The following NSUN3 variants were observed in gnomAD, a reference collection of about 807,000 sequenced individuals.
NSUN3 encodes the protein tRNA (cytosine(34)-C(5))-methyltransferase, mitochondrial.
Under a neutral mutation model 36.8 loss-of-function variants are expected in NSUN3, and 24 were observed. The observed-to-expected ratio is 0.65, with a 90% CI of 0.47 to 0.92. NSUN3 has a LOEUF of 0.92. NSUN3 is among the 40% of genes least tolerant of loss of function. The pLI is 0.00. For synonymous variants in NSUN3, 146 were observed against 145.2 expected, an observed-to-expected ratio of 1.01 and a Z score of -0.04; for missense variants, 381 against 392.8, an observed-to-expected ratio of 0.97 and a Z score of 0.25.
intron 2 of NSUN3, chr3:94,077,198 T>C: frequency 2.9e-6 from 2 of 683,176 alleles, no homozygotes; most frequent in Admixed American, 4.2e-5. Flanking sequence ...GCCAGGGGAA[T>C]ACTGGAGTCG....
At chr3:94,086,206 A>C (rs1576087082) in intron 3 of NSUN3, among the ~76,000 whole-genome samples, 1 of 152,158 alleles carries the variant, frequency 6.6e-6, no homozygotes, top group African/African-American at 2.4e-5. Context: ...GGCCTCCCTA[A>C]GTGCTGTGAG....
Position 94,129,352 on chromosome 3 carries a change from A to G in NSUN3, c.*2862A>G, listed in dbSNP as rs927572325. Among the ~76,000 whole-genome samples, 2 of 152,244 alleles carry G rather than the reference A, an allele frequency of 1.3e-5. No homozygotes were observed. The highest frequency in any genetic ancestry group is 4.1e-4 in the South Asian group (2 of 4,832). ...AAAGAATGAAATAATGTCTTTTGCAACAACATGGATGCAGCTGGATGCTTT... is the reference window on the plus strand; with the variant it reads ...AAAGAATGAAATAATGTCTTTTGCAGCAACATGGATGCAGCTGGATGCTTT... On this transcript the variant is annotated 3_prime_UTR_variant, in exon 6 of 6. Transcript: ENST00000314622.
Position 94,103,150 on chromosome 3 carries a change from G to T in NSUN3, c.743+7996G>T, listed in dbSNP as rs563706324. Among the ~76,000 whole-genome samples, 22 of 152,224 alleles carry T rather than the reference G, an allele frequency of 1.4e-4. 1 individual carries two copies. The highest frequency in any genetic ancestry group is 7.9e-4 in the Admixed American group (12 of 15,278). On this transcript the variant is annotated intron_variant, in intron 5 of 5. Coordinates refer to ENST00000314622, the MANE Select transcript of NSUN3 (RefSeq NM_022072.5). ...AACCCACCTTCCTTGGCCTCCCAAA[G>T]TGCTGGGATTGCAGGCATGAGCCAC...
intron 2 of NSUN3, among the ~76,000 whole-genome samples, chr3:94,066,322 G>T (rs1019635597): frequency 6.6e-6 from 1 of 152,158 alleles, no homozygotes; most frequent in Non-Finnish European, 1.5e-5. Flanking sequence ...CAAAATAAAG[G>T]TTTCTCAGCT....
chr3:94,126,252 A>C lies in NSUN3; in HGVS notation c.785A>C (p.Tyr262Ser). The change falls in exon 6 of 6, where the codon TAC becomes TCC. Residue 262 changes from tyrosine to serine, a missense_variant. Tyr to Ser is a moderately radical substitution (Grantham distance 144). Transcript: ENST00000314622. ...KALRPGGILVYSTCTLSKAEN... is the reference protein window; with the variant it reads ...KALRPGGILVSSTCTLSKAEN... ...TTACGTCCTGGAGGGATACTTGTAT[A>C]CTCTACATGCACGCTTTCCAAGGCA... 1.9e-6 allele frequency: 3 copies of C among 1,614,034 alleles called. No homozygotes were observed. In the East Asian group the frequency reaches 6.7e-5, roughly 36 times the overall value.
chr3:94,071,470 T>C (rs1345968211), intron 2 of NSUN3, among the ~76,000 whole-genome samples: 1 of 152,224 alleles, frequency 6.6e-6, no homozygotes, highest in Non-Finnish European at 1.5e-5. Context: ...TGGATGATGA[T>C]GGGTATCAAA....
intron 5 of NSUN3, among the ~76,000 whole-genome samples, chr3:94,104,420 C>A (rs890602816): frequency 2.6e-5 from 4 of 152,160 alleles, no homozygotes; most frequent in African/African-American, 9.7e-5. Context: ...TTTATGTTAG[C>A]TCACTCCTGA....
chr3:94,102,698 G>A (rs1266055930), intron 5 of NSUN3, among the ~76,000 whole-genome samples: 3 of 151,922 alleles, frequency 2.0e-5, no homozygotes, highest in Non-Finnish European at 4.4e-5. Context: ...ACTGATCAAA[G>A]TATTACACAT....
At chr3:94,123,945 C>A (rs1418897438) in intron 5 of NSUN3, among the ~76,000 whole-genome samples, 1 of 151,696 alleles carries the variant, frequency 6.6e-6, no homozygotes, top group Non-Finnish European at 1.5e-5. Context: ...CACTAAATTG[C>A]ATACTAAATA....
At chr3:94,123,222 T>A (rs558824503) in intron 5 of NSUN3, among the ~76,000 whole-genome samples, 2 of 152,318 alleles carry the variant, frequency 1.3e-5, no homozygotes, top group Non-Finnish European at 2.9e-5. Context: ...CACGCAGCTC[T>A]CACTCTGAGG....
intron 2 of NSUN3, among the ~76,000 whole-genome samples, chr3:94,068,285 C>T (rs2077213079): frequency 6.6e-6 from 1 of 152,168 alleles, no homozygotes; most frequent in South Asian, 2.1e-4. Flanking sequence ...CTATGATTAA[C>T]CACTTCATCA....
At chr3:94,126,094 A>T in intron 5 of NSUN3, 117 bp from the exon 6 acceptor site, 1 of 777,642 alleles carries the variant, frequency 1.3e-6, no homozygotes, top group Non-Finnish European at 2.0e-6. Context: ...CATCCAAAGT[A>T]ATTGCAGTCT....
At position 94,084,174 on chromosome 3, in the gene NSUN3, G is replaced by T; in HGVS notation, c.190G>T (p.Glu64Ter). Residue 64 changes from glutamate to a stop codon, truncating the protein, a stop_gained, in exon 3 of 6, where the codon GAA (glutamate) becomes TAA (stop). Coordinates refer to ENST00000314622, the MANE Select transcript of NSUN3 (RefSeq NM_022072.5). LOFTEE classifies it high-confidence loss of function. ...VLLNRFNYPF[E>*]LEKDLHLKGY... ...GCTTAACCGATTCAATTATCCTTTT[G>T]AACTGGAAAAGGATTTACATTTGAA... The T allele has an allele frequency of 6.2e-7, 1 of 1,613,868 alleles. No individual in the cohort carries two copies. Among genetic ancestry groups the T allele is most frequent in the Non-Finnish European group, 8.5e-7 (1 of 1,179,912 alleles).
chr3:94,113,214 A>G (rs376193709), intron 5 of NSUN3, among the ~76,000 whole-genome samples: 3 of 152,170 alleles, frequency 2.0e-5, no homozygotes, highest in Admixed American at 6.5e-5. Context: ...AGATTTTACA[A>G]TAATCAAGAA....
At position 94,126,637 on chromosome 3, in the gene NSUN3, C is replaced by A; in HGVS notation, c.*147C>A. 1.5e-6 allele frequency: 1 copy of A among 688,360 alleles called. No homozygotes were observed. The highest frequency in any genetic ancestry group is 2.4e-6 in the Non-Finnish European group (1 of 424,018). The allele number at this position is 688,360 out of a possible 1,614,324, so 42.6% of individuals were successfully genotyped here. On this transcript the variant is annotated 3_prime_UTR_variant, in exon 6 of 6. Coordinates refer to ENST00000314622, the MANE Select transcript of NSUN3 (RefSeq NM_022072.5). ...ATACTTTAGCATCTTAGAATCTAGGCTTGAGAATTGTTCAGGTGTATTTTT... is the reference window on the plus strand; with the variant it reads ...ATACTTTAGCATCTTAGAATCTAGGATTGAGAATTGTTCAGGTGTATTTTT...
Position 94,095,026 on chromosome 3 carries a change from T to TC in NSUN3, c.622-6dup, listed in dbSNP as rs749853912. On this transcript the variant is annotated splice_region_variant and splice_polypyrimidine_tract_variant and intron_variant, in intron 4 of 5. Transcript: ENST00000314622. The stretch of plus-strand genomic sequence containing the variant: ...ATATTTGCATCACTTGTCTTTTTTT[T>TC]CTCTAGGTGTTAGTGGATGCTCCGT... The TC allele has an allele frequency of 6.2e-6, 10 of 1,613,412 alleles. No individual in the cohort carries two copies. Among genetic ancestry groups the TC allele is most frequent in the Non-Finnish European group, 8.5e-6 (10 of 1,179,640 alleles).
In NSUN3 at chr3:94,067,199, A is replaced by G. The variant is rs564331588; in HGVS notation, c.122+2653A>G. ...CTTTGGTGAGTGTCCCTGGTTGGCA[A>G]TACTCTTGTGCATACTGTCATACAT... On this transcript the variant is annotated intron_variant, in intron 2 of 5. Coordinates refer to ENST00000314622, the MANE Select transcript of NSUN3 (RefSeq NM_022072.5). Among the ~76,000 whole-genome samples, 9 of 152,316 alleles carry G rather than the reference A, an allele frequency of 5.9e-5. No homozygotes were observed. In the East Asian group the frequency reaches 7.7e-4, roughly 13 times the overall value.
At chr3:94,076,170 C>T in intron 2 of NSUN3, 1 of 1,113,014 alleles carries the variant, frequency 9.0e-7, no homozygotes, top group East Asian at 2.3e-5. Context: ...AGTCTGCGAT[C>T]AGTACCACTG....
chr3:94,120,872 C>G (rs763609810), intron 5 of NSUN3, among the ~76,000 whole-genome samples: 1 of 152,028 alleles, frequency 6.6e-6, no homozygotes, highest in Non-Finnish European at 1.5e-5. Flanking sequence ...AGTGGCTATA[C>G]CATTTTAATA....
Sources: gnomAD v4.1 joint callset for allele counts (sites outside exome capture counted in the v4.1 genomes callset) on GRCh38, gnomAD v4.1.1 for gene constraint, MANE v1.5 for transcripts, NCBI Gene and HGNC (gene_info 2026-07-23, HGNC 2026-07-21) for gene names.